Variants in TNFSF4 observed in about 807,000 individuals in gnomAD.
TNFSF4 encodes TNF superfamily member 4.
TNFSF4 carries 4 observed loss-of-function variants against 7.3 expected under a neutral mutation model. The ratio of observed to expected loss-of-function variants is 0.55; its 90% CI spans 0.27 to 1.25. The LOEUF (loss-of-function observed/expected upper bound fraction) is 1.25, where lower values mean the gene tolerates loss of function less well. Ranked by LOEUF, TNFSF4 falls within the 50% of genes most tolerant of loss-of-function variation. The pLI, the probability that TNFSF4 is intolerant of heterozygous loss-of-function variation, is 0.12. For missense variants in TNFSF4, 181 were observed against 208.8 expected (o/e 0.87, Z 0.82); for synonymous variants, 76 against 83.7 (o/e 0.91, Z 0.50).
At chr1:173,179,189 T>C (rs967093058), downstream of TNFSF4, among the ~76,000 whole-genome samples, 3 of 152,178 alleles carry the variant, frequency 2.0e-5, no homozygotes, top group African/African-American at 7.2e-5. Flanking sequence ...AGAAAACTAA[T>C]AGAGTGTTAG....
At chr1:173,397,941 C>T in the TNFSF4 span, among the ~76,000 whole-genome samples, 1 of 152,146 alleles carries the variant, frequency 6.6e-6, no homozygotes, top group Admixed American at 6.5e-5. Context: ...TTATCATAAG[C>T]TTAACTAGGT....
chr1:173,241,918 C>T, the TNFSF4 span, among the ~76,000 whole-genome samples: 94 of 152,268 alleles, frequency 6.2e-4, 1 homozygote, highest in African/African-American at 2.1e-3. Flanking sequence ...TTTTGCATTG[C>T]GTGAGACTCT....
At chr1:173,238,443 A>G in the TNFSF4 span, among the ~76,000 whole-genome samples, 1 of 152,186 alleles carries the variant, frequency 6.6e-6, no homozygotes, top group African/African-American at 2.4e-5. Flanking sequence ...TCTTCACAAC[A>G]AAAGAAACTG....
the TNFSF4 span, among the ~76,000 whole-genome samples, chr1:173,410,934 G>A: frequency 8.5e-5 from 13 of 152,270 alleles, no homozygotes; most frequent in African/African-American, 2.9e-4. Context: ...CTGCACTGGG[G>A]AGACATGTAC....
chr1:173,435,086 C>T, the TNFSF4 span, among the ~76,000 whole-genome samples: 1,706 of 152,268 alleles, frequency 0.011, 29 homozygotes, highest in African/African-American at 0.038. Context: ...GCTTCGTGGT[C>T]ACTCATGACC....
chr1:173,448,193 A>G, the TNFSF4 span, among the ~76,000 whole-genome samples: 2 of 152,246 alleles, frequency 1.3e-5, no homozygotes, highest in Non-Finnish European at 1.5e-5. Flanking sequence ...TTCCTCTCAC[A>G]GTAATTGATA....
the TNFSF4 span, among the ~76,000 whole-genome samples, chr1:173,434,895 G>A: frequency 6.6e-6 from 1 of 152,252 alleles, no homozygotes; most frequent in South Asian, 2.1e-4. Flanking sequence ...ATGCCCCATG[G>A]GACAAAATAG....
chr1:173,274,574 T>C, the TNFSF4 span, among the ~76,000 whole-genome samples: 2,839 of 152,162 alleles, frequency 0.019, 76 homozygotes, highest in African/African-American at 0.065. Flanking sequence ...ATGTGATAGA[T>C]TCCCTGATTC....
At chr1:173,286,988 C>A in the TNFSF4 span, among the ~76,000 whole-genome samples, 1 of 151,918 alleles carries the variant, frequency 6.6e-6, no homozygotes, top group African/African-American at 2.4e-5. Flanking sequence ...TTAAAATGTG[C>A]CCAGCATCCA....
the TNFSF4 span, among the ~76,000 whole-genome samples, chr1:173,258,930 C>A: frequency 6.6e-6 from 1 of 152,108 alleles, no homozygotes; most frequent in African/African-American, 2.4e-5. Flanking sequence ...GTGTTTCCTG[C>A]CTGCTGGCTC....
At chr1:173,205,604 A>G (rs191936811) in intron 1 of TNFSF4, 1 of 1,148,970 alleles carries the variant, frequency 8.7e-7, no homozygotes, top group Admixed American at 4.5e-5. Context: ...GGTTGTTAGA[A>G]AAAGCACTCT....
chr1:173,254,982 GT>G, the TNFSF4 span, among the ~76,000 whole-genome samples: 1 of 152,096 alleles, frequency 6.6e-6, no homozygotes, highest in Admixed American at 6.5e-5. Context: ...CACCTTAGAA[GT>G]TTTTTTAAAA....
chr1:173,383,133 G>C, the TNFSF4 span, among the ~76,000 whole-genome samples: 6 of 152,064 alleles, frequency 3.9e-5, no homozygotes, highest in African/African-American at 1.4e-4. Context: ...GGAGTGGGGG[G>C]ATCTAATTAG....
chr1:173,339,939 T>C, the TNFSF4 span, among the ~76,000 whole-genome samples: 3 of 152,162 alleles, frequency 2.0e-5, no homozygotes, highest in African/African-American at 7.2e-5. Context: ...TGCTCAAATA[T>C]TATTCTGGGT....
chr1:173,310,621 T>C, the TNFSF4 span, among the ~76,000 whole-genome samples: 2 of 151,876 alleles, frequency 1.3e-5, no homozygotes, highest in Non-Finnish European at 2.9e-5. Context: ...CCTTTAGATA[T>C]ATTTTCTTAA....
chr1:173,415,763 T>C, the TNFSF4 span, among the ~76,000 whole-genome samples: 1 of 152,258 alleles, frequency 6.6e-6, no homozygotes, highest in Admixed American at 6.5e-5. Flanking sequence ...GTTTTCTTTT[T>C]TAGTATGCTT....
the TNFSF4 span, among the ~76,000 whole-genome samples, chr1:173,237,348 G>T: frequency 2.0e-5 from 3 of 152,086 alleles, no homozygotes; most frequent in Non-Finnish European, 2.9e-5. Flanking sequence ...TGAAGAAAAG[G>T]CTTTTGATAA....
chr1:173,361,924 A>T, the TNFSF4 span, among the ~76,000 whole-genome samples: 2 of 152,228 alleles, frequency 1.3e-5, no homozygotes, highest in Admixed American at 6.5e-5. Flanking sequence ...ATGACAATTC[A>T]TGCTGGATAT....
chr1:173,285,299 G>C, the TNFSF4 span, among the ~76,000 whole-genome samples: 1 of 152,128 alleles, frequency 6.6e-6, no homozygotes, highest in Admixed American at 6.6e-5. Flanking sequence ...AATGGATAAA[G>C]AGTTGCTTCC....
Sources: allele counts gnomAD v4.1 joint callset (sites outside exome capture counted in the v4.1 genomes callset), GRCh38; gene constraint gnomAD v4.1.1; transcripts MANE v1.5; gene names NCBI Gene and HGNC (gene_info 2026-07-23, HGNC 2026-07-21).